NFASC: variants seen among roughly 807,000 people sequenced by gnomAD.
The protein encoded by NFASC is neurofascin homolog.
A neutral mutation model predicts 147.5 loss-of-function variants in NFASC; 43 were observed. The ratio of observed to expected loss-of-function variants is 0.29; its 90% CI spans 0.23 to 0.38. The LOEUF (loss-of-function observed/expected upper bound fraction) is 0.38. NFASC is among the 10% of genes least tolerant of loss of function. The pLI, the probability that NFASC is intolerant of heterozygous loss-of-function variation, is 1.00. For synonymous variants in NFASC, 622 were observed against 665.5 expected (o/e 0.93, Z 1.01); for missense variants, 1,320 against 1,689.0 (o/e 0.78, Z 3.83).
Position 205,017,667 on chromosome 1 carries a change from C to T in NFASC, c.*1128C>T, listed in dbSNP as rs1043415572. On this transcript the variant is annotated 3_prime_UTR_variant, in exon 30 of 30. Transcript: ENST00000339876. Reference sequence around the variant, plus strand: ...TGGGGCATAAGGCACTGCTCCCCTTCCATCTCTAGCAGATATCATCTTCTC... The same window carrying T: ...TGGGGCATAAGGCACTGCTCCCCTTTCATCTCTAGCAGATATCATCTTCTC... 6.5e-6 allele frequency: 1 copy of T among 152,708 alleles called. No individual in the cohort carries two copies. Among genetic ancestry groups the T allele is most frequent in the Non-Finnish European group, 1.5e-5 (1 of 68,066 alleles). 9.5% of individuals were successfully genotyped at this position (152,708 alleles called of 1,614,324 possible). A position where few individuals can be genotyped will look rare whatever the true frequency, so the allele number is the denominator to read the frequency against.
At chr1:204,962,211 T>G (rs559675447) in intron 8 of NFASC, 155 of 1,482,346 alleles carry the variant, frequency 1.0e-4, no homozygotes, top group Middle Eastern at 1.7e-4. Context: ...AACCCCAGTT[T>G]GCCTAACTTG....
chr1:204,942,577 G>T (rs2093430321), intron 2 of NFASC, among the ~76,000 whole-genome samples: 2 of 152,146 alleles, frequency 1.3e-5, no homozygotes, highest in South Asian at 4.1e-4. Context: ...AATCAGAGGG[G>T]CATATCACAC....
At chr1:204,925,609 T>C (rs2091355166) in intron 2 of NFASC, among the ~76,000 whole-genome samples, 1 of 152,252 alleles carries the variant, frequency 6.6e-6, no homozygotes, top group Admixed American at 6.5e-5. Flanking sequence ...AAGCTCATAA[T>C]CTGGCTAAGA....
intron 1 of NFASC, among the ~76,000 whole-genome samples, chr1:204,899,280 A>C (rs1331250679): frequency 6.6e-6 from 1 of 152,186 alleles, no homozygotes; most frequent in Admixed American, 6.5e-5. Flanking sequence ...GCATCTGCAA[A>C]ATTAGAAGCC....
At chr1:204,941,601 G>T (rs940588188) in intron 2 of NFASC, among the ~76,000 whole-genome samples, 1 of 152,220 alleles carries the variant, frequency 6.6e-6, no homozygotes, top group African/African-American at 2.4e-5. Context: ...GGTTCCCTCA[G>T]CACTAAGGGT....
At chr1:204,962,028 C>A in intron 8 of NFASC, 1 of 1,103,434 alleles carries the variant, frequency 9.1e-7, no homozygotes, top group Non-Finnish European at 1.4e-6. Flanking sequence ...TCTGGCTTTG[C>A]ATTTGTTTTC....
intron 29 of NFASC, among the ~76,000 whole-genome samples, chr1:205,014,588 G>A (rs961245860): frequency 1.3e-5 from 2 of 152,130 alleles, no homozygotes; most frequent in South Asian, 2.1e-4. Context: ...GCCAGACCAG[G>A]GCCACCCCTA....
intron 5 of NFASC, among the ~76,000 whole-genome samples, chr1:204,953,063 C>G (rs1434823516): frequency 3.9e-5 from 6 of 152,206 alleles, no homozygotes; most frequent in Admixed American, 3.9e-4. Context: ...GGTCTTTCCC[C>G]CATGGTTCCT....
At chr1:204,867,786 G>A (rs1054640632) in intron 1 of NFASC, among the ~76,000 whole-genome samples, 2 of 152,120 alleles carry the variant, frequency 1.3e-5, no homozygotes, top group Non-Finnish European at 2.9e-5. Flanking sequence ...GACCCACATA[G>A]CAGCCACTCC....
At chr1:204,949,068 C>T (rs1013836113) in intron 3 of NFASC, among the ~76,000 whole-genome samples, 2 of 152,240 alleles carry the variant, frequency 1.3e-5, no homozygotes, top group African/African-American at 4.8e-5. Context: ...CTTTTCATTC[C>T]TTTGTCTCCT....
At chr1:204,970,537 A>G in intron 10 of NFASC, 79 bp from the exon 11 acceptor site, 1 of 1,553,680 alleles carries the variant, frequency 6.4e-7, no homozygotes, top group Non-Finnish European at 8.8e-7. Context: ...CTCCTGCCAT[A>G]CTAGAGGGAG....
At chr1:204,973,148 C>A in intron 11 of NFASC, 128 bp from the exon 12 acceptor site, 1 of 934,662 alleles carries the variant, frequency 1.1e-6, no homozygotes, top group Non-Finnish European at 1.7e-6. Context: ...GAAGCCCTGT[C>A]ATCTGGCCCC....
At chr1:204,976,876 C>G in intron 16 of NFASC, 81 bp downstream of exon 16, 1 of 1,545,006 alleles carries the variant, frequency 6.5e-7, no homozygotes, top group East Asian at 2.3e-5. Flanking sequence ...CGGGGCAGTT[C>G]CGAGGGCAGT....
intron 8 of NFASC, among the ~76,000 whole-genome samples, chr1:204,958,438 T>G (rs966222861): frequency 6.6e-6 from 1 of 152,238 alleles, no homozygotes; most frequent in African/African-American, 2.4e-5. Context: ...TATTCCCTGA[T>G]TCTGTTTGGC....
At chr1:204,898,679 C>G (rs1482271809) in intron 1 of NFASC, among the ~76,000 whole-genome samples, 1 of 152,148 alleles carries the variant, frequency 6.6e-6, no homozygotes, top group African/African-American at 2.4e-5. Flanking sequence ...GACGGGGGAG[C>G]AGAGACCCAG....
Position 204,987,143 on chromosome 1 carries a change from A to G in NFASC, c.2471-275A>G, listed in dbSNP as rs928249928. On this transcript the variant is annotated intron_variant, in intron 21 of 29. Transcript: ENST00000339876. The surrounding 1 kb of genome is among the most constrained non-coding windows in gnomAD (Gnocchi z 4.4). ...TCAGAGCCTAACATGTGCTGAATCC[A>G]GAGTAGTTGCTAGAAGAAAACCTGA... The G allele has an allele frequency of 7.0e-5, 35 of 503,236 alleles. No homozygotes were observed. Among genetic ancestry groups the G allele is most frequent in the Admixed American group, 3.5e-5 (1 of 28,888 alleles). 31.2% of individuals were successfully genotyped at this position (503,236 alleles called of 1,614,324 possible). A position where few individuals can be genotyped will look rare whatever the true frequency, so the allele number is the denominator to read the frequency against.
intron 1 of NFASC, among the ~76,000 whole-genome samples, chr1:204,911,766 C>CT (rs1558072033): frequency 6.6e-6 from 1 of 151,838 alleles, no homozygotes; most frequent in African/African-American, 2.4e-5. Flanking sequence ...TGAAGGTTTC[C>CT]TTTTTTGAAT....
chr1:204,877,061 T>TATATATTTATATATATATA (rs1161765671), intron 1 of NFASC, among the ~76,000 whole-genome samples: 6 of 101,748 alleles, frequency 5.9e-5, no homozygotes, highest in African/African-American at 5.5e-5. Context: ...TATATTTATT[T>TATATATTTATATATATATA]ATATATTTAT....
chr1:205,009,096 C>T (rs889426388), intron 27 of NFASC: 4 of 256,008 alleles, frequency 1.6e-5, no homozygotes, highest in Non-Finnish European at 2.3e-5. Flanking sequence ...GTTCTCATAG[C>T]AGGTTTTTGC....
Sources: gnomAD v4.1 joint callset for allele counts (sites outside exome capture counted in the v4.1 genomes callset) on GRCh38, gnomAD v4.1.1 for gene constraint, Gnocchi (gnomAD v3.1) non-coding constraint, MANE v1.5 for transcripts, NCBI Gene and HGNC (gene_info 2026-07-23, HGNC 2026-07-21) for gene names.